Variants in RNF170 observed in about 807,000 individuals in gnomAD.
RNF170 encodes ring finger protein 170, also known as E3 ubiquitin-protein ligase RNF170.
A neutral mutation model predicts 32.7 loss-of-function variants in RNF170; 12 were observed. The ratio of observed to expected loss-of-function variants is 0.37; its 90% CI spans 0.24 to 0.60. The LOEUF (loss-of-function observed/expected upper bound fraction) is 0.60, where lower values mean the gene tolerates loss of function less well. Among genes scored for constraint, RNF170 ranks in the 20% least tolerant of loss-of-function variants. The pLI, the probability that RNF170 is intolerant of heterozygous loss-of-function variation, is 0.72. For missense variants in RNF170, 212 were observed against 311.2 expected (o/e 0.68, Z 2.40); for synonymous variants, 91 against 103.6 (o/e 0.88, Z 0.74).
downstream of RNF170, among the ~76,000 whole-genome samples, chr8:42,852,498 A>G (rs1230962699): frequency 3.3e-5 from 5 of 151,826 alleles, no homozygotes; most frequent in African/African-American, 1.2e-4. Flanking sequence ...GCTCACTGCA[A>G]CCTCTGCCTT....
intron 3 of RNF170, among the ~76,000 whole-genome samples, chr8:42,872,371 A>C (rs1403415709): frequency 6.6e-6 from 1 of 152,214 alleles, no homozygotes; most frequent in Non-Finnish European, 1.5e-5. Flanking sequence ...CACTTTGTAA[A>C]TTATAAAACA....
chr8:42,855,503 G>C lies in RNF170; in HGVS notation c.*656C>G, dbSNP rs764741877. 2.4e-6 allele frequency: 3 copies of C among 1,271,942 alleles called. No individual in the cohort carries two copies. Among genetic ancestry groups the C allele is most frequent in the Middle Eastern group, 3.3e-4 (1 of 3,052 alleles). The allele number at this position is 1,271,942 out of a possible 1,614,324, so 78.8% of individuals were successfully genotyped here. On this transcript the variant is annotated 3_prime_UTR_variant, in exon 7 of 7. Transcript: ENST00000527424. ...TAGGATTACAGGCGTGAGCCACCCC[G>C]CCCGGCCATGTTTTTCATCTTAATT...
At chr8:42,884,545 T>C (rs998201069) in intron 2 of RNF170, among the ~76,000 whole-genome samples, 2 of 152,176 alleles carry the variant, frequency 1.3e-5, no homozygotes, top group African/African-American at 4.8e-5. Context: ...TTTCCACAGC[T>C]TTCCCTATTT....
chr8:42,869,908 A>T, intron 4 of RNF170, 96 bp downstream of exon 4: 1 of 843,568 alleles, frequency 1.2e-6, no homozygotes, highest in South Asian at 1.4e-5. Context: ...CAAAATACAA[A>T]ATGTGACAAA....
intron 4 of RNF170, among the ~76,000 whole-genome samples, chr8:42,867,068 A>G (rs1187255722): frequency 1.3e-5 from 2 of 152,210 alleles, no homozygotes; most frequent in East Asian, 1.9e-4. Context: ...TCCAGATCAA[A>G]TAAGTGTTCA....
intron 2 of RNF170, among the ~76,000 whole-genome samples, chr8:42,879,120 A>G (rs572880404): frequency 1.2e-4 from 19 of 152,364 alleles, no homozygotes; most frequent in African/African-American, 4.3e-4. Context: ...CATTGATAAT[A>G]CACCTAGTCA....
Position 42,853,641 on chromosome 8 carries a change from T to C in RNF170, c.*2518A>G, listed in dbSNP as rs1385708450. On this transcript the variant is annotated 3_prime_UTR_variant, in exon 7 of 7. Coordinates refer to ENST00000527424, the MANE Select transcript of RNF170 (RefSeq NM_030954.4). The stretch of plus-strand genomic sequence containing the variant: ...AAAAAAATCCAAATTGTTACTTTGA[T>C]TTATATGATCTAACTCTGAATCACG... 1 of 1,284,692 alleles carries C rather than the reference T, an allele frequency of 7.8e-7. No homozygotes were observed. Among genetic ancestry groups the C allele is most frequent in the South Asian group, 1.2e-5 (1 of 80,722 alleles). 79.6% of individuals were successfully genotyped at this position (1,284,692 alleles called of 1,614,324 possible).
chr8:42,854,575 G>C lies in RNF170; in HGVS notation c.*1584C>G. On this transcript the variant is annotated 3_prime_UTR_variant, in exon 7 of 7. Coordinates refer to ENST00000527424, the MANE Select transcript of RNF170 (RefSeq NM_030954.4). ...ACAGCTCTGTCCTAGGTCCAAATTA[G>C]AAAAACACATATTGATATTTCATTC... The C allele has an allele frequency of 7.8e-7, 1 of 1,287,018 alleles. No homozygotes were observed. Among genetic ancestry groups the C allele is most frequent in the Non-Finnish European group, 1.0e-6 (1 of 988,518 alleles). 79.7% of individuals were successfully genotyped at this position (1,287,018 alleles called of 1,614,324 possible). A position where few individuals can be genotyped will look rare whatever the true frequency, so the allele number is the denominator to read the frequency against.
Position 42,887,740 on chromosome 8 carries a change from T to G in RNF170, c.125A>C (p.Tyr42Ser). 6.2e-7 allele frequency: 1 copy of G among 1,614,120 alleles called. No homozygotes were observed. Among genetic ancestry groups the G allele is most frequent in the Non-Finnish European group, 8.5e-7 (1 of 1,179,986 alleles). ...VSFALIATLV[Y>S]ALFRNVHQNI... is the part of the protein sequence containing the mutation. Reference sequence around the variant, plus strand: ...CCTTAAATCTCACCTGAAAAGTGCATATACCAGGGTAGCAATCAAAGCGAA... The same window carrying G: ...CCTTAAATCTCACCTGAAAAGTGCAGATACCAGGGTAGCAATCAAAGCGAA... Residue 42 changes from tyrosine to serine, a missense_variant, in exon 2 of 7, where the codon TAT (tyrosine) becomes TCT (serine). This residue lies in a region of RNF170 where 115 missense variants were observed against 132.3 expected (regional missense o/e 0.87). Coordinates refer to ENST00000527424, the MANE Select transcript of RNF170 (RefSeq NM_030954.4).
In RNF170 at chr8:42,854,155, A is replaced by G. The variant is rs1020876191; in HGVS notation, c.*2004T>C. 2.0e-5 allele frequency: 26 copies of G among 1,287,152 alleles called. No homozygotes were observed. Among genetic ancestry groups the G allele is most frequent in the Non-Finnish European group, 2.4e-5 (24 of 988,716 alleles). 79.7% of individuals were successfully genotyped at this position (1,287,152 alleles called of 1,614,324 possible). ...TTTTACCTATTTGATTTGGAAGTGT[A>G]GAATTCGGATTCATGTCATCTCCAC... On this transcript the variant is annotated 3_prime_UTR_variant, in exon 7 of 7. Transcript: ENST00000527424.
At chr8:42,858,957 A>G (rs903768606) in intron 6 of RNF170, among the ~76,000 whole-genome samples, 13 of 152,144 alleles carry the variant, frequency 8.5e-5, no homozygotes, top group Admixed American at 7.9e-4. Flanking sequence ...CCGAGGTGGG[A>G]GGACCACTTG....
Position 42,854,084 on chromosome 8 carries a change from A to G in RNF170, c.*2075T>C, listed in dbSNP as rs1056131191. ...CAAACTCCTACTCACTCGCTTTTCA[A>G]GTTGGTGACTGCAGCTGAAATGTTT... On this transcript the variant is annotated 3_prime_UTR_variant, in exon 7 of 7. Transcript: ENST00000527424. The G allele has an allele frequency of 4.7e-6, 6 of 1,287,096 alleles. No individual in the cohort carries two copies. Among genetic ancestry groups the G allele is most frequent in the African/African-American group, 1.5e-5 (1 of 65,790 alleles). The allele number at this position is 1,287,096 out of a possible 1,614,324, so 79.7% of individuals were successfully genotyped here.
chr8:42,896,129 TCGGCCGGTGTCCTTA>T (rs1442960677), intron 1 of RNF170: 65 of 204,368 alleles, frequency 3.2e-4, no homozygotes, highest in Non-Finnish European at 2.4e-4. Flanking sequence ...AGGCCCGGGG[TCGGCCGGTGTCCTTA>T]CGGATTGGCG....
chr8:42,881,653 G>T (rs1304827055), intron 2 of RNF170: 1 of 152,122 alleles, frequency 6.6e-6, no homozygotes, highest in African/African-American at 2.4e-5. Flanking sequence ...CAAATACTAG[G>T]GCCAGGAGCA....
intron 2 of RNF170, among the ~76,000 whole-genome samples, chr8:42,874,363 C>G (rs1290693645): frequency 6.6e-6 from 1 of 152,210 alleles, no homozygotes; most frequent in Non-Finnish European, 1.5e-5. Context: ...CATTTGAACG[C>G]TTTTCCACAT....
At chr8:42,861,571 G>A (rs1230086752) in intron 6 of RNF170, 174 bp downstream of exon 6, 1 of 619,662 alleles carries the variant, frequency 1.6e-6, no homozygotes, top group East Asian at 3.0e-5. Context: ...TCAAACTCCT[G>A]GGCTCAAGTG....
At chr8:42,863,750 A>G (rs567054676) in intron 5 of RNF170, among the ~76,000 whole-genome samples, 6 of 152,288 alleles carry the variant, frequency 3.9e-5, no homozygotes, top group African/African-American at 1.2e-4. Context: ...ATAAGCTTCA[A>G]TGTTGACTGC....
At chr8:42,894,438 G>A (rs1265316515) in intron 1 of RNF170, among the ~76,000 whole-genome samples, 1 of 152,124 alleles carries the variant, frequency 6.6e-6, no homozygotes, top group East Asian at 1.9e-4. Context: ...TTGCCTACAA[G>A]ATTATACGTC....
intron 6 of RNF170, among the ~76,000 whole-genome samples, chr8:42,859,934 G>A (rs1367550487): frequency 6.6e-6 from 1 of 152,148 alleles, no homozygotes; most frequent in Non-Finnish European, 1.5e-5. Flanking sequence ...ACAGGCATGA[G>A]CCACTGTGCC....
Sources: allele counts gnomAD v4.1 joint callset (sites outside exome capture counted in the v4.1 genomes callset), GRCh38; gene constraint gnomAD v4.1.1; regional missense constraint gnomAD v4.1.1; transcripts MANE v1.5; gene names NCBI Gene and HGNC (gene_info 2026-07-23, HGNC 2026-07-21).